CDKAL1: variants seen among roughly 807,000 people sequenced by gnomAD.
The protein encoded by CDKAL1 is CDKAL1 threonylcarbamoyladenosine tRNA methylthiotransferase, also known as threonylcarbamoyladenosine tRNA methylthiotransferase.
CDKAL1 carries 32 observed loss-of-function variants against 68.2 expected under a neutral mutation model. The observed-to-expected ratio is 0.47, with a 90% CI of 0.35 to 0.63. CDKAL1 has a LOEUF of 0.63. Ranked by LOEUF, CDKAL1 falls within the 30% of genes least tolerant of loss-of-function variation. The pLI is 0.00. For missense variants in CDKAL1, 606 were observed against 696.7 expected (o/e 0.87, Z 1.47); for synonymous variants, 234 against 244.3 (o/e 0.96, Z 0.39).
At chr6:20,854,332 T>C (rs907327262) in intron 9 of CDKAL1, among the ~76,000 whole-genome samples, 11 of 152,246 alleles carry the variant, frequency 7.2e-5, no homozygotes, top group Admixed American at 2.0e-4. Flanking sequence ...GCTTCTGTTA[T>C]GCCGAAGTCT....
rs112457871 is a variant in CDKAL1 at position 21,003,437 on chromosome 6, G to A, written c.1055+3065G>A. Reference sequence around the variant, plus strand: ...AAAAATTAGCCAGGCATGGTGGCACGTGCCTGTAATCCCAGCTACTGGGGA... The same window carrying A: ...AAAAATTAGCCAGGCATGGTGGCACATGCCTGTAATCCCAGCTACTGGGGA... On this transcript the variant is annotated intron_variant, in intron 11 of 15. Transcript: ENST00000274695. Among the ~76,000 whole-genome samples, 7 of 145,074 alleles carry A rather than the reference G, an allele frequency of 4.8e-5. No individual in the cohort carries two copies. The South Asian group carries it at 6.6e-4, about 14-fold the overall frequency.
chr6:20,614,060 G>A lies in CDKAL1; in HGVS notation c.287-35233G>A, dbSNP rs150098270. On this transcript the variant is annotated intron_variant, in intron 4 of 15. Coordinates refer to ENST00000274695, the MANE Select transcript of CDKAL1 (RefSeq NM_017774.3). ...TCTTTTAGTTTGCATTTCTTACAAG[G>A]GTGATTTTTTGTTTCATTTTCTGTG... Among the ~76,000 whole-genome samples the A allele has an allele frequency of 4.0e-3, 606 of 151,966 alleles. 4 individuals carry two copies. The highest frequency in any genetic ancestry group is 0.013 in the African/African-American group (546 of 41,434).
chr6:20,879,487 A>G (rs1014023578), intron 9 of CDKAL1, among the ~76,000 whole-genome samples: 14 of 152,140 alleles, frequency 9.2e-5, no homozygotes, highest in Admixed American at 2.6e-4. Flanking sequence ...ACCTTTTTGG[A>G]TTATCATTAT....
At chr6:21,167,680 T>C (rs1043527352) in intron 13 of CDKAL1, among the ~76,000 whole-genome samples, 3 of 152,230 alleles carry the variant, frequency 2.0e-5, no homozygotes, top group African/African-American at 7.2e-5. Context: ...ACTGATTAAG[T>C]GACCAAAATC....
At chr6:20,964,574 G>A (rs1003803820) in intron 10 of CDKAL1, among the ~76,000 whole-genome samples, 1 of 152,138 alleles carries the variant, frequency 6.6e-6, no homozygotes, top group African/African-American at 2.4e-5. Context: ...ACATGTTCTT[G>A]CTTATAAGTG....
chr6:20,620,158 C>T (rs1209469385), intron 4 of CDKAL1, among the ~76,000 whole-genome samples: 1 of 152,080 alleles, frequency 6.6e-6, no homozygotes, highest in African/African-American at 2.4e-5. Flanking sequence ...CCTTATTTTC[C>T]ACATATACAG....
At chr6:21,070,142 G>A (rs1489767188) in intron 12 of CDKAL1, among the ~76,000 whole-genome samples, 1 of 152,006 alleles carries the variant, frequency 6.6e-6, no homozygotes, top group Non-Finnish European at 1.5e-5. Flanking sequence ...CTCTGGGACT[G>A]TGAATTTGAT....
At chr6:20,792,554 TCTC>T (rs1218829115) in intron 8 of CDKAL1, among the ~76,000 whole-genome samples, 1 of 152,220 alleles carries the variant, frequency 6.6e-6, no homozygotes, top group Non-Finnish European at 1.5e-5. Context: ...TTTAGTCCGT[TCTC>T]CTCCCCCACT....
chr6:20,830,449 T>C (rs2150461700), intron 8 of CDKAL1, among the ~76,000 whole-genome samples: 1 of 149,712 alleles, frequency 6.7e-6, no homozygotes, highest in Middle Eastern at 3.5e-3. Flanking sequence ...GTAAAGAATT[T>C]GTATGATATG....
chr6:21,159,220 A>G (rs113752783), intron 13 of CDKAL1, among the ~76,000 whole-genome samples: 15 of 152,118 alleles, frequency 9.9e-5, no homozygotes, highest in African/African-American at 3.4e-4. Flanking sequence ...ATATATTTCC[A>G]GGATGGAATA....
chr6:20,540,266 G>A (rs1308223337), intron 2 of CDKAL1, among the ~76,000 whole-genome samples: 1 of 151,530 alleles, frequency 6.6e-6, no homozygotes, highest in African/African-American at 2.4e-5. Context: ...GTAGAGATGG[G>A]GTTTCACCAT....
In CDKAL1 at chr6:21,191,992, C is replaced by CTTTTTTTTTTTTTTTTTT. The variant is rs145894251; in HGVS notation, c.1300-6006_1300-5989dup. On this transcript the variant is annotated intron_variant, in intron 13 of 15. Coordinates refer to ENST00000274695, the MANE Select transcript of CDKAL1 (RefSeq NM_017774.3). ...AGGAATATTTTTATAATTCATTTTT[C>CTTTTTTTTTTTTTTTTTT]TTTTTTTTTTTTTTTTTTTTTTTTT... Among the ~76,000 whole-genome samples, 5 of 34,516 alleles carry CTTTTTTTTTTTTTTTTTT rather than the reference C, an allele frequency of 1.4e-4. 2 individuals are homozygous for CTTTTTTTTTTTTTTTTTT. The highest frequency in any genetic ancestry group is 2.7e-4 in the Non-Finnish European group (5 of 18,286). The allele number at this position is 34,516 out of a possible 152,430, so 22.6% of individuals were successfully genotyped here.
intron 13 of CDKAL1, among the ~76,000 whole-genome samples, chr6:21,119,719 A>G (rs142964962): frequency 3.9e-5 from 6 of 152,036 alleles, no homozygotes; most frequent in African/African-American, 1.4e-4. Context: ...TCCCCACACA[A>G]TTTCTTAGGG....
chr6:21,020,774 C>CTT (rs60084439), intron 11 of CDKAL1, among the ~76,000 whole-genome samples: 158 of 132,808 alleles, frequency 1.2e-3, no homozygotes, highest in Middle Eastern at 3.7e-3. Context: ...GCCTTTTTTC[C>CTT]TTTTTTTTTT....
chr6:21,152,199 T>C (rs1417598269), intron 13 of CDKAL1, among the ~76,000 whole-genome samples: 1 of 152,226 alleles, frequency 6.6e-6, no homozygotes, highest in Non-Finnish European at 1.5e-5. Flanking sequence ...CCAAGTTCTT[T>C]CTTCCCCTAA....
intron 5 of CDKAL1, among the ~76,000 whole-genome samples, chr6:20,724,346 T>G (rs1183156229): frequency 6.6e-6 from 1 of 152,212 alleles, no homozygotes; most frequent in Non-Finnish European, 1.5e-5. Context: ...ATAAAAGATG[T>G]AAAAAGACTT....
At chr6:20,639,750 A>G (rs1485688431) in intron 4 of CDKAL1, among the ~76,000 whole-genome samples, 1 of 152,156 alleles carries the variant, frequency 6.6e-6, no homozygotes, top group Non-Finnish European at 1.5e-5. Context: ...GGCTCACTGC[A>G]ACCTCCGCCT....
chr6:20,748,554 G>GAAAAAAAAAAAAAAAAAAAAA (rs1773762406), intron 6 of CDKAL1, among the ~76,000 whole-genome samples: 1 of 77,106 alleles, frequency 1.3e-5, no homozygotes, highest in African/African-American at 4.8e-5. Flanking sequence ...CTCTGTTTCT[G>GAAAAAAAAAAAAAAAAAAAAA]GAAAAAAAAA....
intron 9 of CDKAL1, among the ~76,000 whole-genome samples, chr6:20,875,950 C>CTTGTTGAAAGAATTT (rs1307953285): frequency 6.6e-6 from 1 of 152,080 alleles, no homozygotes; most frequent in African/African-American, 2.4e-5. Context: ...ACTAATTGGG[C>CTTGTTGAAAGAATTT]TTGTTGAAAG....
Sources: allele counts gnomAD v4.1 joint callset (sites outside exome capture counted in the v4.1 genomes callset), GRCh38; gene constraint gnomAD v4.1.1; transcripts MANE v1.5; gene names NCBI Gene and HGNC (gene_info 2026-07-23, HGNC 2026-07-21).